MAGI1: variants seen among roughly 807,000 people sequenced by gnomAD.
MAGI1 encodes the protein membrane-associated guanylate kinase, WW and PDZ domain-containing protein 1.
In MAGI1, 58 loss-of-function variants were observed where a neutral mutation model predicts 139.9. That is an observed-to-expected ratio of 0.41 (90% CI 0.34 to 0.52). MAGI1 has a LOEUF of 0.52. Ranked by LOEUF, MAGI1 falls within the 20% of genes least tolerant of loss-of-function variation. MAGI1 has a pLI of 0.12. For synonymous variants in MAGI1, 812 were observed against 737.9 expected (o/e 1.10, Z -1.63); for missense variants, 1,874 against 1,901.6 (o/e 0.99, Z 0.27).
intron 1 of MAGI1, among the ~76,000 whole-genome samples, chr3:66,014,781 C>G (rs1339811973): frequency 6.6e-6 from 1 of 152,180 alleles, no homozygotes; most frequent in East Asian, 1.9e-4. Flanking sequence ...CTATCTCATT[C>G]CGTCATTTTC....
rs150419273 is a variant in MAGI1, at chr3:65,640,716, G to A, written c.314-18628C>T. ...GTTGAATTCTCTTAACTTCCTCTCC[G>A]AATATATTGCTTATATACTGACGTA... On this transcript the variant is annotated intron_variant, in intron 1 of 22. Transcript: ENST00000402939. Among the ~76,000 whole-genome samples, 350 of 152,238 alleles carry A rather than the reference G, an allele frequency of 2.3e-3. 1 individual carries two copies. Among genetic ancestry groups the A allele is most frequent in the African/African-American group, 7.8e-3 (326 of 41,550 alleles).
chr3:65,600,930 A>T (rs528403170), intron 2 of MAGI1, among the ~76,000 whole-genome samples: 1 of 152,316 alleles, frequency 6.6e-6, no homozygotes, highest in South Asian at 2.1e-4. Context: ...CTCAGTGTGA[A>T]CCACTGGGCA....
chr3:65,409,168 A>G lies in MAGI1; in HGVS notation c.2168-7698T>C, dbSNP rs76574665. 2.9e-3 allele frequency among the ~76,000 whole-genome samples: 435 copies of G among 152,346 alleles called. 1 individual carries two copies. Among genetic ancestry groups the G allele is most frequent in the African/African-American group, 9.7e-3 (402 of 41,574 alleles). ...AGCTCTGCCATATGCCTAGCAAAGC[A>G]TCACTAAGAGATAAAAGTAAATCAG... On this transcript the variant is annotated intron_variant, in intron 12 of 22. Transcript: ENST00000402939.
intron 1 of MAGI1, among the ~76,000 whole-genome samples, chr3:65,829,249 C>T (rs1053077300): frequency 2.6e-5 from 4 of 152,138 alleles, no homozygotes; most frequent in Non-Finnish European, 5.9e-5. Context: ...TTTCTGAACA[C>T]CTTCTTAGCC....
At chr3:65,433,071 A>G (rs1018428560) in intron 10 of MAGI1, among the ~76,000 whole-genome samples, 3 of 152,188 alleles carry the variant, frequency 2.0e-5, no homozygotes, top group Non-Finnish European at 4.4e-5. Flanking sequence ...ATGCAGGTAC[A>G]TAAAACCACT....
intron 2 of MAGI1, among the ~76,000 whole-genome samples, chr3:65,554,922 G>C (rs147557089): frequency 1.9e-4 from 29 of 152,338 alleles, no homozygotes; most frequent in South Asian, 6.2e-4. Context: ...AAGGACATTA[G>C]TGGAGGGGAA....
At chr3:65,857,060 T>C (rs916362278) in intron 1 of MAGI1, among the ~76,000 whole-genome samples, 9 of 152,198 alleles carry the variant, frequency 5.9e-5, no homozygotes, top group South Asian at 2.1e-4. Flanking sequence ...ATGGGGCTTA[T>C]TGGGGCTCAT....
At chr3:65,756,554 C>T (rs2107849874) in intron 1 of MAGI1, among the ~76,000 whole-genome samples, 1 of 152,296 alleles carries the variant, frequency 6.6e-6, no homozygotes, top group South Asian at 2.1e-4. Context: ...CAGCGTCTGG[C>T]TCCTGGTGTC....
chr3:65,601,128 T>C (rs1384974693), intron 2 of MAGI1, among the ~76,000 whole-genome samples: 1 of 152,224 alleles, frequency 6.6e-6, no homozygotes, highest in Non-Finnish European at 1.5e-5. Flanking sequence ...AACTCTTAGG[T>C]GTGGATTCCC....
intron 16 of MAGI1, among the ~76,000 whole-genome samples, chr3:65,381,515 CCTT>C (rs1325842320): frequency 6.6e-6 from 1 of 151,918 alleles, no homozygotes; most frequent in Non-Finnish European, 1.5e-5. Context: ...ATTTTTGTTC[CCTT>C]GATATGAAGC....
intron 2 of MAGI1, chr3:65,549,289 T>C (rs751847645): frequency 7.1e-6 from 3 of 421,100 alleles, no homozygotes; most frequent in Non-Finnish European, 9.6e-6. Context: ...TCCTTCCCTT[T>C]CCTCCCTCTT....
rs569964055 is a variant in MAGI1 at position 65,381,091 on chromosome 3, C to T, written c.2701+786G>A. On this transcript the variant is annotated intron_variant, in intron 16 of 22. Transcript: ENST00000402939. Reference sequence around the variant, plus strand: ...ACTCTGGGTTCTGCCTTAAAGGTTTCAAGGTGGGAGCTGCATCCAAAGGTG... The same window carrying T: ...ACTCTGGGTTCTGCCTTAAAGGTTTTAAGGTGGGAGCTGCATCCAAAGGTG... 3.3e-5 allele frequency among the ~76,000 whole-genome samples: 5 copies of T among 152,242 alleles called. No individual in the cohort carries two copies. The East Asian group carries it at 7.7e-4, about 24-fold the overall frequency.
At chr3:65,475,092 C>G (rs1287832903) in intron 4 of MAGI1, among the ~76,000 whole-genome samples, 2 of 151,506 alleles carry the variant, frequency 1.3e-5, no homozygotes, top group African/African-American at 4.9e-5. Context: ...TTAAGAATAT[C>G]AGGGATTATT....
At chr3:65,487,049 T>C (rs952108859) in intron 3 of MAGI1, among the ~76,000 whole-genome samples, 1 of 152,144 alleles carries the variant, frequency 6.6e-6, no homozygotes, top group Non-Finnish European at 1.5e-5. Flanking sequence ...ACCACCACCA[T>C]CACCAACGTG....
chr3:66,037,963 C>A (rs762653435), intron 1 of MAGI1, 33 bp downstream of exon 1: 4 of 1,520,430 alleles, frequency 2.6e-6, no homozygotes, highest in Admixed American at 2.2e-5. Context: ...CTCCTTTTCT[C>A]GGGGCGCCCC....
chr3:66,027,044 C>T (rs888594184), intron 1 of MAGI1, among the ~76,000 whole-genome samples: 7 of 151,276 alleles, frequency 4.6e-5, no homozygotes, highest in East Asian at 1.9e-4. Context: ...CCGAGGCGGG[C>T]GGATCACAAG....
intron 1 of MAGI1, among the ~76,000 whole-genome samples, chr3:65,859,383 C>T (rs1263715016): frequency 6.6e-6 from 1 of 151,784 alleles, no homozygotes; most frequent in Non-Finnish European, 1.5e-5. Flanking sequence ...AACTGAAACT[C>T]CATTTAGCAT....
intron 1 of MAGI1, among the ~76,000 whole-genome samples, chr3:65,664,497 A>T (rs895335888): frequency 5.9e-5 from 9 of 152,210 alleles, no homozygotes; most frequent in Non-Finnish European, 1.3e-4. Flanking sequence ...AGATAAATTA[A>T]ATAACTTATC....
intron 2 of MAGI1, among the ~76,000 whole-genome samples, chr3:65,568,318 T>C (rs1452903149): frequency 6.6e-6 from 1 of 152,154 alleles, no homozygotes; most frequent in African/African-American, 2.4e-5. Flanking sequence ...CTTTTTTTTT[T>C]CTTTTTGGTT....
Sources: allele counts gnomAD v4.1 joint callset (sites outside exome capture counted in the v4.1 genomes callset), GRCh38; gene constraint gnomAD v4.1.1; transcripts MANE v1.5; gene names NCBI Gene and HGNC (gene_info 2026-07-23, HGNC 2026-07-21).